Variants in MTREX observed in about 807,000 individuals in gnomAD.
The protein encoded by MTREX is exosome RNA helicase MTR4.
MTREX carries 76 observed loss-of-function variants against 135.4 expected under a neutral mutation model. That is an observed-to-expected ratio of 0.56 (90% CI 0.47 to 0.68). The LOEUF is 0.68. Ranked by LOEUF, MTREX falls within the 30% of genes least tolerant of loss-of-function variation. The probability of loss-of-function intolerance (pLI) is 0.00; values close to 1 mark genes in which losing one functional copy is unlikely to be tolerated. For synonymous variants in MTREX, 404 were observed against 401.6 expected (o/e 1.01, Z -0.07); for missense variants, 920 against 1,262.1 (o/e 0.73, Z 4.11).
chr5:55,338,639 CTTATTTTTCTAT>C (rs1016069641), intron 5 of MTREX, among the ~76,000 whole-genome samples: 2 of 150,266 alleles, frequency 1.3e-5, no homozygotes, highest in South Asian at 2.1e-4. Flanking sequence ...CTGAGTGTCT[CTTATTTTTCTAT>C]TTATTTTTCT....
In MTREX at chr5:55,395,964, C is replaced by T. The variant is rs185809357; in HGVS notation, c.2182-1452C>T. ...TAAAAGACATTATTGTGAAAGAGGACGAAATCTTAATATGGACTACAGATT... is the reference window on the plus strand; with the variant it reads ...TAAAAGACATTATTGTGAAAGAGGATGAAATCTTAATATGGACTACAGATT... On this transcript the variant is annotated intron_variant, in intron 19 of 26. Transcript: ENST00000230640. Among the ~76,000 whole-genome samples, 15 of 152,082 alleles carry T rather than the reference C, an allele frequency of 9.9e-5. No individual in the cohort carries two copies. The East Asian group carries it at 1.2e-3, about 12-fold the overall frequency.
At chr5:55,415,495 G>GT (rs1371939803) in intron 24 of MTREX, among the ~76,000 whole-genome samples, 4 of 152,164 alleles carry the variant, frequency 2.6e-5, no homozygotes, top group African/African-American at 9.7e-5. Flanking sequence ...AGGCCTAGGA[G>GT]TTTTTGGCCT....
intron 16 of MTREX, among the ~76,000 whole-genome samples, chr5:55,376,497 C>T (rs887064318): frequency 4.6e-5 from 7 of 152,192 alleles, no homozygotes; most frequent in African/African-American, 1.7e-4. Context: ...GCCATTCCAG[C>T]AGTGGTGGCC....
At chr5:55,319,512 G>A (rs1005475235) in intron 1 of MTREX, among the ~76,000 whole-genome samples, 2 of 152,110 alleles carry the variant, frequency 1.3e-5, no homozygotes, top group Non-Finnish European at 2.9e-5. Flanking sequence ...ATTAGATGTT[G>A]GCCAAATTTG....
At chr5:55,321,164 T>C (rs972180213) in intron 1 of MTREX, among the ~76,000 whole-genome samples, 1 of 152,178 alleles carries the variant, frequency 6.6e-6, no homozygotes, top group Admixed American at 6.5e-5. Flanking sequence ...ATATCTAATA[T>C]TGCAAATATC....
rs1197652879 is a variant in MTREX, at chr5:55,397,499, TAGACAG to T, written c.2268_2273del (p.Arg756_Gln757del). ...CTAAAGACCTTCGGCCGGTGGACAA[TAGACAG>T]AGTGTTTTAAAATCAATACAGGTAT... On this transcript the variant is annotated inframe_deletion, in exon 20 of 27. Transcript: ENST00000230640. 1.2e-6 allele frequency: 2 copies of T among 1,607,644 alleles called. No homozygotes were observed. The highest frequency in any genetic ancestry group is 1.7e-6 in the Non-Finnish European group (2 of 1,175,282).
At chr5:55,406,346 T>G (rs1301621285) in intron 22 of MTREX, among the ~76,000 whole-genome samples, 1 of 151,982 alleles carries the variant, frequency 6.6e-6, no homozygotes, top group Non-Finnish European at 1.5e-5. Flanking sequence ...TGTTAGGACC[T>G]CTCTCTCTCT....
At chr5:55,318,746 T>C (rs768635792) in intron 1 of MTREX, among the ~76,000 whole-genome samples, 1 of 152,142 alleles carries the variant, frequency 6.6e-6, no homozygotes, top group Non-Finnish European at 1.5e-5. Context: ...AACCTTCACA[T>C]GTACCCCAAA....
At chr5:55,384,116 C>A (rs1750441387) in intron 18 of MTREX, among the ~76,000 whole-genome samples, 1 of 152,136 alleles carries the variant, frequency 6.6e-6, no homozygotes, top group Non-Finnish European at 1.5e-5. Context: ...TAAACCTCTC[C>A]CCTGGAACTT....
Position 55,308,074 on chromosome 5 carries a change from G to A in MTREX, c.61G>A (p.Ala21Thr), listed in dbSNP as rs375878338. ...SVFEGDSTTA[A>T]GTKKDKEKDK... ...GTTCGAGGGCGACTCGACCACTGCG[G>A]CGGGAACCAAAAAAGACAAGGAAAA... Residue 21 changes from alanine (A) to threonine (T), a missense_variant, in exon 1 of 27, where the codon GCG (alanine) becomes ACG (threonine). Coordinates refer to ENST00000230640, the MANE Select transcript of MTREX (RefSeq NM_015360.5). 2.5e-6 allele frequency: 4 copies of A among 1,613,890 alleles called. No individual in the cohort carries two copies. The highest frequency in any genetic ancestry group is 1.3e-5 in the African/African-American group (1 of 74,888).
intron 18 of MTREX, among the ~76,000 whole-genome samples, chr5:55,380,309 C>T (rs1274667646): frequency 6.6e-6 from 1 of 152,106 alleles, no homozygotes; most frequent in East Asian, 1.9e-4. Context: ...GGGTGTATGA[C>T]TCAGTGACAT....
At chr5:55,330,007 G>A (rs1221479586) in intron 5 of MTREX, among the ~76,000 whole-genome samples, 1 of 151,786 alleles carries the variant, frequency 6.6e-6, no homozygotes, top group Non-Finnish European at 1.5e-5. Context: ...CTAATGCAAT[G>A]TCTTTAAATT....
chr5:55,346,069 G>A (rs534410654), intron 10 of MTREX, among the ~76,000 whole-genome samples: 1 of 152,214 alleles, frequency 6.6e-6, no homozygotes, highest in South Asian at 2.1e-4. Context: ...ATCATTGGAT[G>A]GACTTTTGGG....
At chr5:55,403,986 C>G (rs1004274801) in intron 21 of MTREX, among the ~76,000 whole-genome samples, 3 of 152,206 alleles carry the variant, frequency 2.0e-5, no homozygotes, top group African/African-American at 7.2e-5. Context: ...TTAGTAATCT[C>G]TCCGTGCCTC....
chr5:55,360,099 C>T (rs1459451649), intron 15 of MTREX, among the ~76,000 whole-genome samples: 1 of 152,154 alleles, frequency 6.6e-6, no homozygotes, highest in African/African-American at 2.4e-5. Context: ...TCTTTCTTCA[C>T]AAGACCACCC....
intron 5 of MTREX, among the ~76,000 whole-genome samples, chr5:55,338,791 T>TTTTC (rs1579856815): frequency 7.2e-6 from 1 of 137,964 alleles, no homozygotes; most frequent in South Asian, 2.4e-4. Context: ...TTTTTCTTTT[T>TTTTC]TTTTTTTTTT....
chr5:55,322,600 C>A, intron 2 of MTREX, 136 bp downstream of exon 2: 1 of 612,450 alleles, frequency 1.6e-6, no homozygotes, highest in Non-Finnish European at 2.6e-6. Context: ...TATTTTTACA[C>A]AGGCATGTAA....
intron 1 of MTREX, among the ~76,000 whole-genome samples, chr5:55,318,278 C>T (rs1016928013): frequency 6.6e-5 from 10 of 152,206 alleles, no homozygotes; most frequent in African/African-American, 2.4e-4. Context: ...GGTATATACC[C>T]ACAGGAATAT....
intron 19 of MTREX, among the ~76,000 whole-genome samples, chr5:55,395,982 TA>T (rs908678071): frequency 1.4e-4 from 21 of 152,216 alleles, no homozygotes; most frequent in African/African-American, 5.1e-4. Context: ...TAATATGGAC[TA>T]CAGATTAGAT....
Sources: allele counts gnomAD v4.1 joint callset (sites outside exome capture counted in the v4.1 genomes callset), GRCh38; gene constraint gnomAD v4.1.1; transcripts MANE v1.5; gene names NCBI Gene and HGNC (gene_info 2026-07-23, HGNC 2026-07-21).